The following ADCK1 variants were observed in gnomAD, a reference collection of about 807,000 sequenced individuals.
ADCK1 encodes aarF domain containing kinase 1.
ADCK1 carries 41 observed loss-of-function variants against 52.3 expected under a neutral mutation model. That is an observed-to-expected ratio of 0.78 (90% CI 0.61 to 1.02). ADCK1 has a LOEUF of 1.02. Ranked by LOEUF, ADCK1 falls within the 50% of genes least tolerant of loss-of-function variation. ADCK1 has a pLI of 0.00. For missense variants in ADCK1, 658 were observed against 679.5 expected (o/e 0.97, Z 0.35); for synonymous variants, 250 against 274.6 (o/e 0.91, Z 0.89).
intron 3 of ADCK1, among the ~76,000 whole-genome samples, chr14:77,826,212 A>G (rs1244022301): frequency 6.6e-6 from 1 of 152,188 alleles, no homozygotes; most frequent in African/African-American, 2.4e-5. Flanking sequence ...GGCTGGCACT[A>G]AGAGCATGAG....
intron 4 of ADCK1, among the ~76,000 whole-genome samples, chr14:77,875,812 G>A (rs1231633728): frequency 6.6e-6 from 1 of 152,160 alleles, no homozygotes; most frequent in Non-Finnish European, 1.5e-5. Context: ...AAGCCCAGGA[G>A]GGAAACAGGG....
intron 3 of ADCK1, among the ~76,000 whole-genome samples, chr14:77,833,104 AT>A (rs1357670351): frequency 3.9e-5 from 6 of 152,122 alleles, no homozygotes; most frequent in Non-Finnish European, 7.4e-5. Flanking sequence ...TACAGGACTG[AT>A]TTGTCTATTA....
At chr14:77,896,789 A>C (rs184394313) in intron 5 of ADCK1, among the ~76,000 whole-genome samples, 1 of 152,356 alleles carries the variant, frequency 6.6e-6, no homozygotes, top group Admixed American at 6.5e-5. Context: ...ATAAGGTCAC[A>C]GGTCTAGCCC....
chr14:77,906,771 A>G (rs961439225), intron 6 of ADCK1, among the ~76,000 whole-genome samples: 4 of 152,202 alleles, frequency 2.6e-5, no homozygotes, highest in Non-Finnish European at 4.4e-5. Context: ...GAAGAAGAGT[A>G]GCACTATGCA....
At chr14:77,927,124 C>T (rs1490421205) in intron 9 of ADCK1, among the ~76,000 whole-genome samples, 1 of 152,136 alleles carries the variant, frequency 6.6e-6, no homozygotes, top group Non-Finnish European at 1.5e-5. Flanking sequence ...TCAGGGTAAG[C>T]TGCTTACCCT....
chr14:77,880,877 C>T (rs991360785), intron 4 of ADCK1, among the ~76,000 whole-genome samples: 2 of 152,272 alleles, frequency 1.3e-5, no homozygotes, highest in Non-Finnish European at 1.5e-5. Context: ...ATATGATGGT[C>T]CTGCAGTAAA....
intron 7 of ADCK1, among the ~76,000 whole-genome samples, chr14:77,919,352 G>T (rs1203661171): frequency 1.3e-5 from 2 of 152,184 alleles, no homozygotes; most frequent in African/African-American, 4.8e-5. Context: ...TGTTTTTCCA[G>T]TCCTGAGTTA....
intron 1 of ADCK1, among the ~76,000 whole-genome samples, chr14:77,813,232 C>A (rs1047505015): frequency 1.3e-5 from 2 of 150,876 alleles, no homozygotes; most frequent in Non-Finnish European, 3.0e-5. Context: ...GAACTCCCGA[C>A]CTCAGGTGAT....
chr14:77,849,312 A>G (rs1271314953), intron 3 of ADCK1, among the ~76,000 whole-genome samples: 1 of 152,148 alleles, frequency 6.6e-6, no homozygotes, highest in Non-Finnish European at 1.5e-5. Context: ...GGCCTCAAGC[A>G]ATCCTCCCGC....
intron 6 of ADCK1, among the ~76,000 whole-genome samples, chr14:77,905,915 TC>T (rs1294237452): frequency 3.3e-5 from 5 of 152,200 alleles, no homozygotes; most frequent in Non-Finnish European, 5.9e-5. Flanking sequence ...GTTCAAAGTA[TC>T]AGTTTCACAG....
chr14:77,876,972 T>C (rs1193097374), intron 4 of ADCK1, among the ~76,000 whole-genome samples: 1 of 152,232 alleles, frequency 6.6e-6, no homozygotes, highest in East Asian at 1.9e-4. Flanking sequence ...CCCAGCACTT[T>C]GGGAGGCCAA....
chr14:77,864,462 C>T (rs4903658), intron 4 of ADCK1, among the ~76,000 whole-genome samples: 57,663 of 151,898 alleles, frequency 0.38, 11,733 homozygotes, highest in Admixed American at 0.51. Flanking sequence ...CCTGCCTGGG[C>T]GAGGGGCACA....
intron 3 of ADCK1, among the ~76,000 whole-genome samples, chr14:77,837,474 CT>C (rs1281595713): frequency 6.6e-6 from 1 of 152,134 alleles, no homozygotes; most frequent in East Asian, 1.9e-4. Flanking sequence ...TGCAAAGACC[CT>C]TTTTTCTGAA....
At chr14:77,901,089 G>A (rs1161210881) in intron 6 of ADCK1, among the ~76,000 whole-genome samples, 1 of 147,844 alleles carries the variant, frequency 6.8e-6, no homozygotes, top group African/African-American at 2.5e-5. Flanking sequence ...CTGTTGCCCA[G>A]ACTGGAGTGC....
At chr14:77,868,387 G>A (rs1008543667) in intron 4 of ADCK1, among the ~76,000 whole-genome samples, 18 of 152,234 alleles carry the variant, frequency 1.2e-4, no homozygotes, top group African/African-American at 4.3e-4. Context: ...GAGCAATCGG[G>A]CTGGGCTTGC....
intron 3 of ADCK1, chr14:77,828,063 C>T (rs897201409): frequency 9.4e-5 from 19 of 201,788 alleles, no homozygotes; most frequent in African/African-American, 3.1e-4. Flanking sequence ...CTCCTGACCT[C>T]GTGATCCGCC....
intron 5 of ADCK1, among the ~76,000 whole-genome samples, chr14:77,891,280 G>A (rs947355946): frequency 1.3e-5 from 2 of 152,172 alleles, no homozygotes; most frequent in Non-Finnish European, 2.9e-5. Flanking sequence ...CTGAGCATCC[G>A]CCTACAAACC....
At chr14:77,878,463 A>G (rs1206664780) in intron 4 of ADCK1, among the ~76,000 whole-genome samples, 1 of 152,210 alleles carries the variant, frequency 6.6e-6, no homozygotes, top group Non-Finnish European at 1.5e-5. Context: ...CCCAAGCTCA[A>G]ATTCAAGGGG....
intron 9 of ADCK1, among the ~76,000 whole-genome samples, chr14:77,926,542 A>C (rs576072000): frequency 5.8e-4 from 88 of 152,256 alleles, no homozygotes; most frequent in African/African-American, 1.8e-3. Context: ...GTGTAGTGGC[A>C]TGATATCGGC....
Sources: allele counts gnomAD v4.1 joint callset (sites outside exome capture counted in the v4.1 genomes callset), GRCh38; gene constraint gnomAD v4.1.1; transcripts MANE v1.5; gene names NCBI Gene and HGNC (gene_info 2026-07-23, HGNC 2026-07-21).